Variants in KAZN observed in about 807,000 individuals in gnomAD.
KAZN encodes the protein kazrin, periplakin interacting protein.
KAZN carries 40 observed loss-of-function variants against 87.4 expected under a neutral mutation model. The ratio of observed to expected loss-of-function variants is 0.46; its 90% CI spans 0.36 to 0.60. The LOEUF is 0.60. Among genes scored for constraint, KAZN ranks in the 20% least tolerant of loss-of-function variants. KAZN has a pLI of 0.00. For synonymous variants in KAZN, 466 were observed against 458.3 expected, an observed-to-expected ratio of 1.02 and a Z score of -0.22; for missense variants, 898 against 1,073.9, an observed-to-expected ratio of 0.84 and a Z score of 2.29.
At chr1:14,659,607 T>C (rs992665378) in intron 1 of KAZN, among the ~76,000 whole-genome samples, 2 of 152,220 alleles carry the variant, frequency 1.3e-5, no homozygotes, top group Non-Finnish European at 2.9e-5. Flanking sequence ...ACCTTGGTTC[T>C]GTGTGGGAAA....
At chr1:14,710,750 C>T (rs960031942) in intron 1 of KAZN, among the ~76,000 whole-genome samples, 1 of 152,170 alleles carries the variant, frequency 6.6e-6, no homozygotes, top group Non-Finnish European at 1.5e-5. Context: ...CAGCATTTGA[C>T]CTTTTGTGTA....
intron 2 of KAZN, among the ~76,000 whole-genome samples, chr1:14,553,579 G>A (rs1447627824): frequency 2.6e-5 from 4 of 152,164 alleles, no homozygotes; most frequent in South Asian, 2.1e-4. Flanking sequence ...ATGCATGGAC[G>A]TGGCTGGACC....
chr1:15,069,593 C>T (rs1286583967), intron 8 of KAZN, among the ~76,000 whole-genome samples: 1 of 152,218 alleles, frequency 6.6e-6, no homozygotes, highest in Non-Finnish European at 1.5e-5. Flanking sequence ...CGCCACTGCG[C>T]TCCAACCTGG....
chr1:14,799,791 T>A (rs1349171705), intron 1 of KAZN, among the ~76,000 whole-genome samples: 1 of 152,172 alleles, frequency 6.6e-6, no homozygotes, highest in Non-Finnish European at 1.5e-5. Flanking sequence ...AATAAAAAAA[T>A]TTAATGTACA....
At chr1:14,421,470 G>A (rs901908067) in intron 2 of KAZN, among the ~76,000 whole-genome samples, 19 of 152,134 alleles carry the variant, frequency 1.2e-4, no homozygotes, top group African/African-American at 4.6e-4. Context: ...TTAGGGCTTG[G>A]AATGTACATT....
intron 1 of KAZN, among the ~76,000 whole-genome samples, chr1:13,994,973 G>C (rs1297145418): frequency 6.6e-6 from 1 of 152,144 alleles, no homozygotes; most frequent in Non-Finnish European, 1.5e-5. Context: ...TGGGGCTCTA[G>C]AGAGACTCAT....
rs536071900 is a variant in KAZN at position 14,295,865 on chromosome 1, G to C, written c.249+115273G>C. Among the ~76,000 whole-genome samples, 22 of 152,210 alleles carry C rather than the reference G, an allele frequency of 1.4e-4. No homozygotes were observed. In the South Asian group the frequency reaches 4.4e-3, roughly 30 times the overall value. ...GTTATACACTCCTTAGCTAGATCAC[G>C]GGGTACTGTCTGCCTCTTCTGGAGT... is the stretch of plus-strand genomic sequence containing the variant. On this transcript the variant is annotated intron_variant, in intron 2 of 16. Coordinates refer to the KAZN transcript ENST00000636203.
At chr1:14,291,183 A>G (rs149340736) in intron 2 of KAZN, among the ~76,000 whole-genome samples, 3,194 of 152,330 alleles carry the variant, frequency 0.021, 122 homozygotes, top group African/African-American at 0.073. Flanking sequence ...TCAGAGCTCA[A>G]ACACCATGCT....
At chr1:14,207,307 A>T (rs1262838769) in intron 2 of KAZN, among the ~76,000 whole-genome samples, 2 of 152,106 alleles carry the variant, frequency 1.3e-5, no homozygotes, top group Non-Finnish European at 2.9e-5. Context: ...GGGTGATGTT[A>T]GGAGGTTAAA....
intron 2 of KAZN, among the ~76,000 whole-genome samples, chr1:14,243,039 T>C (rs1215718589): frequency 6.6e-6 from 1 of 152,152 alleles, no homozygotes; most frequent in East Asian, 1.9e-4. Flanking sequence ...AAATGGGACA[T>C]CAGACAGTTA....
At chr1:14,738,451 T>A (rs1243952301) in intron 1 of KAZN, among the ~76,000 whole-genome samples, 2 of 152,000 alleles carry the variant, frequency 1.3e-5, no homozygotes, top group African/African-American at 4.8e-5. Flanking sequence ...CTTGTATATC[T>A]CGTCATGCCA....
chr1:15,036,204 CCCCTA>C, intron 3 of KAZN, among the ~76,000 whole-genome samples: 1 of 116,222 alleles, frequency 8.6e-6, no homozygotes, highest in Non-Finnish European at 1.8e-5. Flanking sequence ...GGCCCGGCTC[CCCCTA>C]CCCTGCCTAC....
intron 2 of KAZN, among the ~76,000 whole-genome samples, chr1:14,435,573 C>A (rs1373882337): frequency 3.3e-5 from 5 of 152,288 alleles, no homozygotes. Flanking sequence ...TTTGCCCCTG[C>A]CTTCACCCCC....
intron 2 of KAZN, among the ~76,000 whole-genome samples, chr1:14,375,893 CA>C (rs60145610): frequency 3.1e-4 from 6 of 19,068 alleles, no homozygotes; most frequent in South Asian, 1.6e-3. Context: ...ATCTCAAAAA[CA>C]AAAAAAAAAA....
At chr1:15,108,943 A>T (rs1641392080) in intron 13 of KAZN, among the ~76,000 whole-genome samples, 1 of 152,124 alleles carries the variant, frequency 6.6e-6, no homozygotes, top group Non-Finnish European at 1.5e-5. Context: ...TCGTGTTTTC[A>T]TCTTATCCAA....
intron 1 of KAZN, among the ~76,000 whole-genome samples, chr1:14,100,201 C>T (rs1429809570): frequency 2.0e-5 from 3 of 152,138 alleles, no homozygotes; most frequent in Non-Finnish European, 2.9e-5. Flanking sequence ...AATAAACAGC[C>T]CTTTATGGAA....
intron 2 of KAZN, among the ~76,000 whole-genome samples, chr1:14,969,841 T>C (rs1664829779): frequency 6.6e-6 from 1 of 152,070 alleles, no homozygotes; most frequent in South Asian, 2.1e-4. Flanking sequence ...GGGGACAGAG[T>C]CTTACTCTGT....
intron 1 of KAZN, among the ~76,000 whole-genome samples, chr1:13,911,176 G>T (rs1639640371): frequency 6.6e-6 from 1 of 152,158 alleles, no homozygotes; most frequent in South Asian, 2.1e-4. Context: ...AGCCTCCCAA[G>T]CAACTGGAGT....
At chr1:14,087,785 C>T (rs75231183) in intron 1 of KAZN, among the ~76,000 whole-genome samples, 3,875 of 151,962 alleles carry the variant, frequency 0.025, 165 homozygotes, top group African/African-American at 0.088. Context: ...GCCAGTATTA[C>T]AATTTTGACA....
Sources: gnomAD v4.1 joint callset for allele counts (sites outside exome capture counted in the v4.1 genomes callset) on GRCh38, gnomAD v4.1.1 for gene constraint, MANE v1.5 for transcripts, NCBI Gene and HGNC (gene_info 2026-07-23, HGNC 2026-07-21) for gene names.